The following SFMBT1 variants were observed in gnomAD, a reference collection of about 807,000 sequenced individuals.
SFMBT1 encodes the protein scm-like with four MBT domains protein 1.
A neutral mutation model predicts 108.7 loss-of-function variants in SFMBT1; 32 were observed. The ratio of observed to expected loss-of-function variants is 0.29; its 90% CI spans 0.22 to 0.40. The LOEUF (loss-of-function observed/expected upper bound fraction) is 0.40. SFMBT1 is among the 10% of genes least tolerant of loss of function. SFMBT1 has a pLI of 1.00. For synonymous variants in SFMBT1, 348 were observed against 369.5 expected, an observed-to-expected ratio of 0.94 and a Z score of 0.67; for missense variants, 816 against 1,059.6, an observed-to-expected ratio of 0.77 and a Z score of 3.19.
intron 1 of SFMBT1, among the ~76,000 whole-genome samples, chr3:52,970,742 A>T (rs1481441172): frequency 1.3e-5 from 2 of 152,190 alleles, no homozygotes; most frequent in East Asian, 3.9e-4. Flanking sequence ...TGATTCTCAT[A>T]AGCAACTTTA....
intron 2 of SFMBT1, among the ~76,000 whole-genome samples, chr3:52,959,708 C>A (rs933736684): frequency 6.6e-6 from 1 of 152,134 alleles, no homozygotes; most frequent in Admixed American, 6.6e-5. Context: ...TGACAATATA[C>A]CTGTTAGATC....
intron 14 of SFMBT1, 102 bp from the exon 15 acceptor site, chr3:52,913,719 T>C (rs901185779): frequency 4.9e-6 from 6 of 1,236,770 alleles, no homozygotes; most frequent in Middle Eastern, 2.1e-4. Context: ...TGTACCATTA[T>C]ATTAATATAA....
chr3:52,929,469 C>T (rs996305888), intron 8 of SFMBT1, among the ~76,000 whole-genome samples: 1 of 152,100 alleles, frequency 6.6e-6, no homozygotes, highest in Non-Finnish European at 1.5e-5. Flanking sequence ...GAACTCCTGA[C>T]CTCAGGTGAT....
At chr3:53,037,945 C>T (rs1205059927) in intron 1 of SFMBT1, among the ~76,000 whole-genome samples, 1 of 151,946 alleles carries the variant, frequency 6.6e-6, no homozygotes, top group Non-Finnish European at 1.5e-5. Context: ...CCTGTCTCTA[C>T]CAAAAAATAC....
At chr3:52,936,244 T>G (rs1177509431) in intron 4 of SFMBT1, among the ~76,000 whole-genome samples, 1 of 152,170 alleles carries the variant, frequency 6.6e-6, no homozygotes, top group African/African-American at 2.4e-5. Context: ...AGAACTTCCA[T>G]AAAGAAAAAT....
At chr3:52,909,174 T>C (rs1044534638) in intron 17 of SFMBT1, among the ~76,000 whole-genome samples, 2 of 152,244 alleles carry the variant, frequency 1.3e-5, no homozygotes, top group East Asian at 3.8e-4. Context: ...TAACTGTCCT[T>C]CTAAATTCTA....
chr3:52,969,404 C>T (rs1704264821), intron 1 of SFMBT1, 146 bp from the exon 2 acceptor site: 5 of 716,336 alleles, frequency 7.0e-6, no homozygotes, highest in South Asian at 2.7e-5. Context: ...AAAATTGATA[C>T]CTTTTCTAAT....
At chr3:52,991,564 G>T (rs577528764) in intron 1 of SFMBT1, among the ~76,000 whole-genome samples, 1 of 152,004 alleles carries the variant, frequency 6.6e-6, no homozygotes, top group East Asian at 1.9e-4. Context: ...GGATGGTCTC[G>T]AACTACTGAC....
chr3:52,937,439 C>T (rs2106805262), intron 4 of SFMBT1, among the ~76,000 whole-genome samples: 1 of 152,172 alleles, frequency 6.6e-6, no homozygotes, highest in South Asian at 2.1e-4. Context: ...TTTAATTTTG[C>T]TTTCTAGTTG....
chr3:52,968,707 C>G (rs1704236015), intron 2 of SFMBT1, among the ~76,000 whole-genome samples: 1 of 150,246 alleles, frequency 6.7e-6, no homozygotes, highest in South Asian at 2.1e-4. Context: ...TCACACCATT[C>G]TCCTGCCCGA....
At chr3:52,915,593 C>T (rs1185878189) in intron 14 of SFMBT1, among the ~76,000 whole-genome samples, 1 of 152,188 alleles carries the variant, frequency 6.6e-6, no homozygotes, top group Admixed American at 6.5e-5. Flanking sequence ...GGATGCTAAA[C>T]ATTACACAAC....
chr3:52,962,131 T>C (rs953303772), intron 2 of SFMBT1, among the ~76,000 whole-genome samples: 7 of 152,242 alleles, frequency 4.6e-5, no homozygotes, highest in Non-Finnish European at 7.3e-5. Context: ...GGTGAGGCTG[T>C]AAACAGGTAA....
chr3:53,008,829 G>A (rs1698842522), intron 1 of SFMBT1, among the ~76,000 whole-genome samples: 1 of 151,956 alleles, frequency 6.6e-6, no homozygotes, highest in Non-Finnish European at 1.5e-5. Flanking sequence ...TAGAGACGGG[G>A]TTTCACCGTG....
chr3:52,922,367 TC>T (rs1407343746), intron 10 of SFMBT1, among the ~76,000 whole-genome samples: 2 of 96,848 alleles, frequency 2.1e-5, no homozygotes, highest in East Asian at 6.3e-4. Context: ...ATATCCAGCA[TC>T]CGTGTCAAAA....
At position 52,932,433 on chromosome 3, in the gene SFMBT1, A is replaced by G. The variant is rs73839712; in HGVS notation, c.454-125T>C. 4.7e-3 allele frequency: 4,107 copies of G among 874,560 alleles called. 82 individuals are homozygous for G. In the African/African-American group the frequency reaches 0.05, roughly 11 times the overall value. The allele number at this position is 874,560 out of a possible 1,614,324, so 54.2% of individuals were successfully genotyped here. On this transcript the variant is annotated intron_variant, in intron 5 of 20. Transcript: ENST00000394752. ...TACCCATTCAAAAGCCAGTGACACT[A>G]AATTGTCTATCATCATACAAGCCTC...
intron 1 of SFMBT1, among the ~76,000 whole-genome samples, chr3:53,040,800 CT>C (rs879924100): frequency 7.8e-4 from 115 of 147,328 alleles, no homozygotes; most frequent in Middle Eastern, 3.4e-3. Context: ...ATACAGACTA[CT>C]TTTTTTTTTG....
intron 1 of SFMBT1, among the ~76,000 whole-genome samples, chr3:53,008,145 T>TG (rs1395362547): frequency 1.3e-5 from 2 of 151,122 alleles, no homozygotes; most frequent in African/African-American, 2.4e-5. Flanking sequence ...GAATGGGGAA[T>TG]GGGGGGGTGT....
chr3:53,012,531 T>C (rs1014198987), intron 1 of SFMBT1, among the ~76,000 whole-genome samples: 1 of 151,770 alleles, frequency 6.6e-6, no homozygotes, highest in Non-Finnish European at 1.5e-5. Flanking sequence ...GCCTCCCGAG[T>C]AGCTGGGACT....
intron 1 of SFMBT1, among the ~76,000 whole-genome samples, chr3:52,989,950 G>A (rs1385671804): frequency 6.6e-6 from 1 of 152,138 alleles, no homozygotes; most frequent in South Asian, 2.1e-4. Flanking sequence ...GAAAAAGGTA[G>A]GCTTAAGGCA....
Sources: allele counts gnomAD v4.1 joint callset (sites outside exome capture counted in the v4.1 genomes callset), GRCh38; gene constraint gnomAD v4.1.1; transcripts MANE v1.5; gene names NCBI Gene and HGNC (gene_info 2026-07-23, HGNC 2026-07-21).